The following SMYD3 variants were observed in gnomAD, a reference collection of about 807,000 sequenced individuals.
SMYD3 encodes SET and MYND domain containing 3, also known as histone-lysine N-methyltransferase SMYD3.
A neutral mutation model predicts 57.7 loss-of-function variants in SMYD3; 36 were observed. The ratio of observed to expected loss-of-function variants is 0.62; its 90% CI spans 0.48 to 0.82. The LOEUF is 0.82. Ranked by LOEUF, SMYD3 falls within the 40% of genes least tolerant of loss-of-function variation. The pLI is 0.00. For synonymous variants in SMYD3, 211 were observed against 195.0 expected (o/e 1.08, Z -0.68); for missense variants, 515 against 538.8 (o/e 0.96, Z 0.44).
chr1:246,334,352 A>G (rs903428848), intron 3 of SMYD3, among the ~76,000 whole-genome samples: 2 of 152,270 alleles, frequency 1.3e-5, no homozygotes, highest in Non-Finnish European at 2.9e-5. Flanking sequence ...AATGTGATAC[A>G]TAAACACTAT....
intron 1 of SMYD3, among the ~76,000 whole-genome samples, chr1:246,434,384 T>C (rs986545433): frequency 3.3e-5 from 5 of 152,232 alleles, no homozygotes; most frequent in Non-Finnish European, 5.9e-5. Context: ...TCACAAACTG[T>C]GAATTTGTCT....
At chr1:245,856,821 G>A (rs1308065996) in intron 10 of SMYD3, among the ~76,000 whole-genome samples, 1 of 152,184 alleles carries the variant, frequency 6.6e-6, no homozygotes, top group Admixed American at 6.5e-5. Flanking sequence ...AGCAGCTGCT[G>A]TTGGGGGCCT....
intron 11 of SMYD3, among the ~76,000 whole-genome samples, chr1:245,751,594 AAG>A (rs1350148912): frequency 2.8e-5 from 2 of 72,356 alleles, no homozygotes; most frequent in Admixed American, 1.6e-4. Flanking sequence ...GAGAGAGAGA[AAG>A]AGAGAGAGAG....
intron 1 of SMYD3, among the ~76,000 whole-genome samples, chr1:246,445,855 G>GAA (rs541828569): frequency 0.059 from 7,392 of 124,284 alleles, 334 homozygotes; most frequent in African/African-American, 0.14. Context: ...ATCCAAAAAG[G>GAA]AAAAAAAAAA....
chr1:245,764,885 G>A (rs990746313), intron 10 of SMYD3, among the ~76,000 whole-genome samples: 4 of 152,068 alleles, frequency 2.6e-5, no homozygotes, highest in Non-Finnish European at 5.9e-5. Context: ...TTCAGACCCT[G>A]TGAAGAGCTG....
intron 1 of SMYD3, among the ~76,000 whole-genome samples, chr1:246,430,617 G>A (rs1306064771): frequency 9.2e-5 from 14 of 152,196 alleles, no homozygotes; most frequent in Admixed American, 9.2e-4. Context: ...TACGGGGCTT[G>A]TGGGACATCT....
At chr1:246,244,895 G>C (rs78824150) in intron 5 of SMYD3, among the ~76,000 whole-genome samples, 3,759 of 152,188 alleles carry the variant, frequency 0.025, 148 homozygotes, top group African/African-American at 0.085. Context: ...CATTATTCAT[G>C]AACTATTCTG....
At chr1:246,455,407 C>T (rs2067688297) in intron 1 of SMYD3, among the ~76,000 whole-genome samples, 1 of 152,154 alleles carries the variant, frequency 6.6e-6, no homozygotes, top group Admixed American at 6.5e-5. Flanking sequence ...TATTTCCAGT[C>T]CTACATTGAG....
At chr1:246,045,521 T>C (rs1344251414) in intron 5 of SMYD3, among the ~76,000 whole-genome samples, 3 of 151,932 alleles carry the variant, frequency 2.0e-5, no homozygotes, top group Non-Finnish European at 4.4e-5. Context: ...CCTAAAACCA[T>C]AAAAACCCTA....
Position 246,211,309 on chromosome 1 carries a change from T to C in SMYD3, c.531+115892A>G, listed in dbSNP as rs574101032. Among the ~76,000 whole-genome samples, 33 of 152,274 alleles carry C rather than the reference T, an allele frequency of 2.2e-4. No individual in the cohort carries two copies. In the South Asian group the frequency reaches 6.8e-3, roughly 32 times the overall value. On this transcript the variant is annotated intron_variant, in intron 5 of 11. Transcript: ENST00000490107. ...TCTGCTACCTCATGGGATATGAAAG[T>C]CGTTAGCATGAATTATCATTCTAAA...
At chr1:246,407,869 T>TA (rs2066892413) in intron 1 of SMYD3, among the ~76,000 whole-genome samples, 1 of 120,626 alleles carries the variant, frequency 8.3e-6, no homozygotes, top group Non-Finnish European at 1.9e-5. Flanking sequence ...ATAAATAAAT[T>TA]ATATATATAT....
At chr1:246,359,267 T>TA (rs1351145574) in intron 1 of SMYD3, among the ~76,000 whole-genome samples, 1 of 152,012 alleles carries the variant, frequency 6.6e-6, no homozygotes, top group African/African-American at 2.4e-5. Flanking sequence ...ACCAGGAAGA[T>TA]ATAGAAACTC....
At chr1:246,102,752 A>T (rs143027286) in intron 5 of SMYD3, among the ~76,000 whole-genome samples, 1,815 of 148,200 alleles carry the variant, frequency 0.012, 29 homozygotes, top group African/African-American at 0.038. Context: ...TCAAAAAAAA[A>T]AAAAATAATA....
intron 5 of SMYD3, among the ~76,000 whole-genome samples, chr1:246,312,738 C>T (rs1014325444): frequency 6.6e-6 from 1 of 152,144 alleles, no homozygotes; most frequent in African/African-American, 2.4e-5. Context: ...ATGGCAGCAC[C>T]ATATTGTCAT....
At chr1:245,915,456 A>G (rs1489573901) in intron 8 of SMYD3, 74 bp downstream of exon 8, 2 of 950,582 alleles carry the variant, frequency 2.1e-6, no homozygotes, top group East Asian at 4.9e-5. Context: ...GGTTTATGAA[A>G]TCTAGGCAGA....
At chr1:246,427,388 C>T (rs868069458) in intron 1 of SMYD3, among the ~76,000 whole-genome samples, 49 of 150,744 alleles carry the variant, frequency 3.3e-4, no homozygotes, top group African/African-American at 1.1e-3. Context: ...GGCGTAGTGG[C>T]GGGCGCCTGT....
At chr1:246,439,528 C>T (rs982654058) in intron 1 of SMYD3, among the ~76,000 whole-genome samples, 9 of 152,138 alleles carry the variant, frequency 5.9e-5, no homozygotes, top group African/African-American at 2.2e-4. Flanking sequence ...TTTGGTAACC[C>T]TCAAAGTATT....
At chr1:246,176,832 G>A (rs1039654571) in intron 5 of SMYD3, among the ~76,000 whole-genome samples, 9 of 152,134 alleles carry the variant, frequency 5.9e-5, no homozygotes, top group Admixed American at 2.6e-4. Context: ...TATACTGGCC[G>A]TTTGTTAATG....
intron 10 of SMYD3, chr1:245,789,029 A>G (rs1481343926): frequency 6.6e-6 from 1 of 152,170 alleles, no homozygotes; most frequent in Non-Finnish European, 1.5e-5. Context: ...AAGTTTCTCT[A>G]TCACGGAGTA....
Sources: allele counts gnomAD v4.1 joint callset (sites outside exome capture counted in the v4.1 genomes callset), GRCh38; gene constraint gnomAD v4.1.1; transcripts MANE v1.5; gene names NCBI Gene and HGNC (gene_info 2026-07-23, HGNC 2026-07-21).